XIRP2: variants seen among roughly 807,000 people sequenced by gnomAD.
The protein encoded by XIRP2 is xin actin binding repeat containing 2, also known as xin actin-binding repeat-containing protein 2.
A neutral mutation model predicts 277.0 loss-of-function variants in XIRP2; 236 were observed. The observed-to-expected ratio is 0.85, with a 90% CI of 0.77 to 0.95. The LOEUF (loss-of-function observed/expected upper bound fraction) is 0.95. Ranked by LOEUF, XIRP2 falls within the 40% of genes least tolerant of loss-of-function variation. The pLI is 0.00. For missense variants in XIRP2, 4,640 were observed against 4,157.5 expected (o/e 1.12, Z -3.19); for synonymous variants, 1,490 against 1,416.5 (o/e 1.05, Z -1.17).
At chr2:167,180,042 G>C (rs1341063314) in intron 3 of XIRP2, among the ~76,000 whole-genome samples, 2 of 152,102 alleles carry the variant, frequency 1.3e-5, no homozygotes, top group East Asian at 3.8e-4. Context: ...TCAAATCTAT[G>C]TCCATTACAA....
In XIRP2 at chr2:167,248,094, A is replaced by G; in HGVS notation, c.6702A>G (p.Thr2234=). The G allele has an allele frequency of 6.2e-7, 1 of 1,613,434 alleles. No individual in the cohort carries two copies. The highest frequency in any genetic ancestry group is 8.5e-7 in the Non-Finnish European group (1 of 1,179,742). The change falls in exon 9 of 11, where the codon ACA becomes ACG. Residue 2234 remains threonine, a synonymous_variant. Coordinates refer to ENST00000409195, the MANE Select transcript of XIRP2 (RefSeq NM_152381.6). ...AAGTCTCTGAAAAAAGTCACAATAC[A>G]TTTAAGGCAACCAACAAAAAGCGGG... ...EMKVSEKSHN[T]FKATNKKRET... is the part of the protein sequence containing the mutation.
chr2:166,951,380 G>A (rs529698698), intron 2 of XIRP2, among the ~76,000 whole-genome samples: 19 of 151,948 alleles, frequency 1.3e-4, no homozygotes, highest in Admixed American at 2.0e-4. Flanking sequence ...ATGTCACATG[G>A]CAAGAGCAGG....
chr2:167,259,359 A>G lies in XIRP2; in HGVS notation c.*1542A>G, dbSNP rs570028227. The G allele has an allele frequency of 5.6e-6, 9 of 1,599,102 alleles. No individual in the cohort carries two copies. Among genetic ancestry groups the G allele is most frequent in the Non-Finnish European group, 7.7e-6 (9 of 1,174,140 alleles). ...AGAAACAGGTGCTACAGTGACACTG[A>G]GTAAAATATCTATGGCCACTGACAG... On this transcript the variant is annotated 3_prime_UTR_variant, in exon 11 of 11. Transcript: ENST00000409195.
chr2:167,028,778 T>C (rs1688245716), intron 2 of XIRP2, among the ~76,000 whole-genome samples: 1 of 151,726 alleles, frequency 6.6e-6, no homozygotes, highest in Admixed American at 6.6e-5. Context: ...AGACAAAGAA[T>C]TCAAAGTAGC....
chr2:167,169,304 AG>A (rs1432204154), intron 3 of XIRP2, among the ~76,000 whole-genome samples: 22 of 152,256 alleles, frequency 1.4e-4, no homozygotes, highest in African/African-American at 5.1e-4. Context: ...GTGCTCCTGA[AG>A]GCAAAACTTA....
chr2:167,111,849 C>T (rs1398976943), intron 2 of XIRP2, among the ~76,000 whole-genome samples: 1 of 151,830 alleles, frequency 6.6e-6, no homozygotes, highest in African/African-American at 2.4e-5. Context: ...TGTTGGAACT[C>T]ATTATTGGTC....
At chr2:167,108,334 G>A (rs1690662374) in intron 2 of XIRP2, among the ~76,000 whole-genome samples, 1 of 151,614 alleles carries the variant, frequency 6.6e-6, no homozygotes, top group South Asian at 2.1e-4. Context: ...ATTTCTTAAT[G>A]TCTTGTCCTG....
intron 2 of XIRP2, among the ~76,000 whole-genome samples, chr2:167,017,793 A>G (rs1687872429): frequency 6.6e-6 from 1 of 151,996 alleles, no homozygotes. Context: ...CACCCCTGCA[A>G]GCTCTGACAG....
intron 2 of XIRP2, among the ~76,000 whole-genome samples, chr2:167,091,816 A>G (rs999586552): frequency 1.5e-4 from 23 of 152,150 alleles, no homozygotes; most frequent in Non-Finnish European, 3.1e-4. Flanking sequence ...TCATAACCCA[A>G]TCAGGGATTG....
At chr2:167,139,829 G>T (rs1382739567) in intron 3 of XIRP2, among the ~76,000 whole-genome samples, 1 of 152,128 alleles carries the variant, frequency 6.6e-6, no homozygotes, top group Non-Finnish European at 1.5e-5. Context: ...TAGCTATTAT[G>T]CAATTAAAAA....
Position 167,249,723 on chromosome 2 carries a change from G to A in XIRP2, c.8331G>A (p.Glu2777=), listed in dbSNP as rs1442665750. 4 of 1,613,258 alleles carry A rather than the reference G, an allele frequency of 2.5e-6. No homozygotes were observed. The East Asian group carries it at 8.9e-5, about 36-fold the overall frequency. Residue 2777 remains glutamate, a synonymous_variant, in exon 9 of 11, where the codon GAG becomes GAA. Coordinates refer to ENST00000409195, the MANE Select transcript of XIRP2 (RefSeq NM_152381.6). ...GACATTATCAGTTACCTAAGAAGGAGAAAAGAGTGACAGTACAATTGCCTA... is the reference window on the plus strand; with the variant it reads ...GACATTATCAGTTACCTAAGAAGGAAAAAAGAGTGACAGTACAATTGCCTA... ...AERHYQLPKK[E]KRVTVQLPTE...
At chr2:167,158,965 T>TG (rs1295537946) in intron 3 of XIRP2, among the ~76,000 whole-genome samples, 1 of 151,964 alleles carries the variant, frequency 6.6e-6, no homozygotes, top group Non-Finnish European at 1.5e-5. Context: ...ACACTACCTC[T>TG]GGGGGGTAGG....
intron 3 of XIRP2, among the ~76,000 whole-genome samples, chr2:167,173,291 TC>T (rs145170527): frequency 0.054 from 8,166 of 152,290 alleles, 360 homozygotes; most frequent in African/African-American, 0.12. Context: ...ACTATGCTTC[TC>T]AGCCTCTGAT....
At chr2:167,232,670 C>G (rs1045543464) in intron 5 of XIRP2, among the ~76,000 whole-genome samples, 5 of 151,908 alleles carry the variant, frequency 3.3e-5, no homozygotes, top group African/African-American at 1.2e-4. Flanking sequence ...GTATTTGTAG[C>G]ACTGGTGAGC....
chr2:167,221,598 C>G (rs1316659448), intron 5 of XIRP2, among the ~76,000 whole-genome samples: 1 of 151,092 alleles, frequency 6.6e-6, no homozygotes, highest in Non-Finnish European at 1.5e-5. Context: ...AAAACTATGT[C>G]TTAGATAGTC....
chr2:167,226,976 TA>T (rs1694620722), intron 5 of XIRP2, among the ~76,000 whole-genome samples: 1 of 152,142 alleles, frequency 6.6e-6, no homozygotes, highest in Non-Finnish European at 1.5e-5. Context: ...GCGGCCCAGG[TA>T]ATTGATTTAA....
chr2:166,923,248 A>G (rs1295613848), intron 2 of XIRP2, among the ~76,000 whole-genome samples: 1 of 152,116 alleles, frequency 6.6e-6, no homozygotes, highest in Non-Finnish European at 1.5e-5. Context: ...GTGTACTATA[A>G]ACATTGCCAT....
At chr2:166,907,884 G>A (rs868488889) in intron 2 of XIRP2, among the ~76,000 whole-genome samples, 7 of 151,224 alleles carry the variant, frequency 4.6e-5, no homozygotes, top group Non-Finnish European at 8.8e-5. Flanking sequence ...TTGTCTTTGC[G>A]TTAGTTTGCT....
In XIRP2 at chr2:167,259,463, T is replaced by C. The variant is rs1286779868; in HGVS notation, c.*1646T>C. ...TTGGATACCCTTTTGAGGAACTTGA[T>C]GTAAACATGGTGTTCAGAAATCTCG... On this transcript the variant is annotated 3_prime_UTR_variant, in exon 11 of 11. Transcript: ENST00000409195. The C allele has an allele frequency of 8.3e-7, 1 of 1,203,490 alleles. No individual in the cohort carries two copies. 74.6% of individuals were successfully genotyped at this position (1,203,490 alleles called of 1,614,324 possible).
Sources: gnomAD v4.1 joint callset for allele counts (sites outside exome capture counted in the v4.1 genomes callset) on GRCh38, gnomAD v4.1.1 for gene constraint, MANE v1.5 for transcripts, NCBI Gene and HGNC (gene_info 2026-07-23, HGNC 2026-07-21) for gene names.